METTL15: variants seen among roughly 807,000 people sequenced by gnomAD.
METTL15 encodes the protein methyltransferase 15, mitochondrial 12S rRNA N4-cytidine, also known as 12S rRNA N(4)-cytidine methyltransferase METTL15.
METTL15 carries 34 observed loss-of-function variants against 38.3 expected under a neutral mutation model. The observed-to-expected ratio is 0.89, with a 90% confidence interval of 0.68 to 1.18. METTL15 has a LOEUF of 1.18. METTL15 is among the 50% of genes most tolerant of loss of function. The probability of loss-of-function intolerance (pLI) is 0.00; values close to 1 mark genes in which losing one functional copy is unlikely to be tolerated. For missense variants in METTL15, 438 were observed against 498.4 expected, an observed-to-expected ratio of 0.88 and a Z score of 1.15; for synonymous variants, 162 against 170.9, an observed-to-expected ratio of 0.95 and a Z score of 0.41.
intron 6 of METTL15, among the ~76,000 whole-genome samples, chr11:28,485,618 A>T (rs1834596955): frequency 6.6e-6 from 1 of 152,222 alleles, no homozygotes; most frequent in South Asian, 2.1e-4. Flanking sequence ...GGGAGGAGAG[A>T]GTAGAGAGTA....
At position 28,374,952 on chromosome 11, in the gene METTL15, A is replaced by T. The variant is rs1234329554; in HGVS notation, c.*358+12916A>T. Among the ~76,000 whole-genome samples the T allele has an allele frequency of 2.0e-3, 305 of 152,010 alleles. 3 individuals are homozygous for T. Among genetic ancestry groups the T allele is most frequent in the African/African-American group, 6.0e-3 (251 of 41,494 alleles). On this transcript the variant is annotated intron_variant and NMD_transcript_variant, in intron 5 of 7. Coordinates refer to the METTL15 transcript ENST00000532947. ...GTGGTTTTTGTCATTGGTTCTGTTTATATGCTGGATTACATTTATTGATTT... is the reference window on the plus strand; with the variant it reads ...GTGGTTTTTGTCATTGGTTCTGTTTTTATGCTGGATTACATTTATTGATTT...
At chr11:28,116,186 A>G (rs957170586) in intron 3 of METTL15, among the ~76,000 whole-genome samples, 14 of 152,150 alleles carry the variant, frequency 9.2e-5, no homozygotes, top group Admixed American at 5.2e-4. Flanking sequence ...CCTGCCATGA[A>G]TACTGTAAGG....
At chr11:28,135,275 A>G (rs1849478575) in intron 3 of METTL15, among the ~76,000 whole-genome samples, 1 of 152,162 alleles carries the variant, frequency 6.6e-6, no homozygotes, top group African/African-American at 2.4e-5. Context: ...TGCAGCAAGA[A>G]TAATTATTTT....
intron 5 of METTL15, among the ~76,000 whole-genome samples, chr11:28,420,129 ACCTTTCCAAAC>A (rs1850807345): frequency 6.6e-6 from 1 of 152,198 alleles, no homozygotes; most frequent in African/African-American, 2.4e-5. Context: ...ACTAACAGAG[ACCTTTCCAAAC>A]CTAGAGAAAT....
At chr11:28,194,243 T>A (rs2133808398) in intron 3 of METTL15, among the ~76,000 whole-genome samples, 1 of 148,380 alleles carries the variant, frequency 6.7e-6, no homozygotes, top group African/African-American at 2.5e-5. Flanking sequence ...TTGTTGCCCA[T>A]GCTGAAGTGC....
chr11:28,495,323 T>C (rs1851527101), intron 6 of METTL15, among the ~76,000 whole-genome samples: 1 of 152,116 alleles, frequency 6.6e-6, no homozygotes, highest in Non-Finnish European at 1.5e-5. Flanking sequence ...GAGAATCTCT[T>C]GGTAGTTTAG....
At chr11:28,456,909 A>G (rs1470833103) in intron 6 of METTL15, among the ~76,000 whole-genome samples, 2 of 152,246 alleles carry the variant, frequency 1.3e-5, no homozygotes, top group African/African-American at 2.4e-5. Context: ...ATTAAGTCTA[A>G]GCCATGTGAT....
chr11:28,517,311 GAAAGGTAGGTTTTTT>G (rs1483575028), intron 6 of METTL15: 1 of 151,614 alleles, frequency 6.6e-6, no homozygotes, highest in Non-Finnish European at 1.5e-5. Flanking sequence ...TTGAGATTTT[GAAAGGTAGGTTTTTT>G]AATTTATTTA....
At chr11:28,409,633 C>T (rs1564923257) in intron 5 of METTL15, among the ~76,000 whole-genome samples, 3 of 151,656 alleles carry the variant, frequency 2.0e-5, no homozygotes. Flanking sequence ...CAAAAGCAGT[C>T]TAAGAGGGAA....
intron 3 of METTL15, among the ~76,000 whole-genome samples, chr11:28,172,938 A>G (rs1850911651): frequency 6.6e-6 from 1 of 152,128 alleles, no homozygotes; most frequent in Non-Finnish European, 1.5e-5. Context: ...TCACTTTGGT[A>G]TTTCAGGAGA....
At chr11:28,335,072 CAA>C (rs1362401394), downstream of METTL15, among the ~76,000 whole-genome samples, 17 of 152,264 alleles carry the variant, frequency 1.1e-4, no homozygotes, top group South Asian at 4.1e-4. Flanking sequence ...TGAAATCAAA[CAA>C]GAGGACATGC....
At chr11:28,131,952 A>C (rs1329296806) in intron 3 of METTL15, among the ~76,000 whole-genome samples, 2 of 152,198 alleles carry the variant, frequency 1.3e-5, no homozygotes, top group Non-Finnish European at 2.9e-5. Context: ...TTTTAAATAA[A>C]ATTTAGAGTG....
At chr11:28,133,438 T>C (rs1849404989) in intron 3 of METTL15, among the ~76,000 whole-genome samples, 1 of 152,234 alleles carries the variant, frequency 6.6e-6, no homozygotes, top group South Asian at 2.1e-4. Flanking sequence ...TAACACACTA[T>C]GGTAGCCAGT....
intron 3 of METTL15, among the ~76,000 whole-genome samples, chr11:28,152,800 A>G (rs1250424389): frequency 1.1e-4 from 16 of 152,042 alleles, no homozygotes; most frequent in Admixed American, 1.0e-3. Context: ...TGGCCACTCT[A>G]TAGGCAGAGC....
At chr11:28,190,294 A>T (rs986101252) in intron 3 of METTL15, among the ~76,000 whole-genome samples, 1 of 151,276 alleles carries the variant, frequency 6.6e-6, no homozygotes, top group African/African-American at 2.4e-5. Context: ...ATTTTTATAA[A>T]TAATGAATAG....
chr11:28,434,287 AG>A (rs1328276908), intron 6 of METTL15, among the ~76,000 whole-genome samples: 1 of 152,170 alleles, frequency 6.6e-6, no homozygotes, highest in Admixed American at 6.5e-5. Flanking sequence ...AAATTTCCTA[AG>A]GCCTGCCCAG....
At chr11:28,375,287 A>C (rs901147517) in intron 5 of METTL15, among the ~76,000 whole-genome samples, 1 of 145,854 alleles carries the variant, frequency 6.9e-6, no homozygotes, top group African/African-American at 2.5e-5. Context: ...CTGTGAATCC[A>C]TCTGGTCCTG....
chr11:28,138,417 A>G (rs572807711), intron 3 of METTL15, among the ~76,000 whole-genome samples: 193 of 152,316 alleles, frequency 1.3e-3, no homozygotes, highest in Non-Finnish European at 2.2e-3. Flanking sequence ...AGCCATGCCA[A>G]GTGGCCAATA....
In METTL15 at chr11:28,515,162, A is replaced by T. The variant is rs376614578; in HGVS notation, c.*425-11316A>T. ...AAGGAGGAAAAGCATAAGAAAGAAT[A>T]AATGATTCTAGGAGCCAGAAAGGGT... On this transcript the variant is annotated intron_variant and NMD_transcript_variant, in intron 6 of 7. Transcript: ENST00000532947. Among the ~76,000 whole-genome samples, 91 of 152,320 alleles carry T rather than the reference A, an allele frequency of 6.0e-4. 1 individual carries two copies. In the East Asian group the frequency reaches 0.01, roughly 17 times the overall value.
Sources: gnomAD v4.1 joint callset for allele counts (sites outside exome capture counted in the v4.1 genomes callset) on GRCh38, gnomAD v4.1.1 for gene constraint, MANE v1.5 for transcripts, NCBI Gene and HGNC (gene_info 2026-07-23, HGNC 2026-07-21) for gene names.